The following SYNPO2 variants were observed in gnomAD, a reference collection of about 807,000 sequenced individuals.
SYNPO2 encodes synaptopodin-2.
A neutral mutation model predicts 85.0 loss-of-function variants in SYNPO2; 56 were observed. That is an observed-to-expected ratio of 0.66 (90% CI 0.53 to 0.82). The LOEUF (loss-of-function observed/expected upper bound fraction) is 0.82, where lower values mean the gene tolerates loss of function less well. SYNPO2 is among the 40% of genes least tolerant of loss of function. The probability of loss-of-function intolerance (pLI) is 0.00; values close to 1 mark genes in which losing one functional copy is unlikely to be tolerated. For missense variants in SYNPO2, 1,575 were observed against 1,534.2 expected, an observed-to-expected ratio of 1.03 and a Z score of -0.44; for synonymous variants, 602 against 591.1, an observed-to-expected ratio of 1.02 and a Z score of -0.27.
chr4:118,969,509 T>C (rs1735453554), intron 1 of SYNPO2, among the ~76,000 whole-genome samples: 1 of 152,210 alleles, frequency 6.6e-6, no homozygotes, highest in African/African-American at 2.4e-5. Context: ...GGAGCGCCAG[T>C]CTTTTATATC....
chr4:119,032,159 T>C (rs2149192122), intron 4 of SYNPO2, 132 bp downstream of exon 4: 2 of 1,480,734 alleles, frequency 1.4e-6, no homozygotes, highest in East Asian at 5.0e-5. Context: ...CTTACTTAAT[T>C]TCAGATATGT....
chr4:118,949,471 G>A (rs1015693374), intron 1 of SYNPO2, among the ~76,000 whole-genome samples: 1 of 152,040 alleles, frequency 6.6e-6, no homozygotes, highest in Non-Finnish European at 1.5e-5. Context: ...GCCAAGTGTG[G>A]TGGTTCACTC....
intron 1 of SYNPO2, among the ~76,000 whole-genome samples, chr4:118,938,104 C>T: frequency 6.6e-6 from 1 of 152,080 alleles, no homozygotes; most frequent in East Asian, 1.9e-4. Context: ...GGAGTTCAAG[C>T]ACACCTGGCC....
intron 1 of SYNPO2, among the ~76,000 whole-genome samples, chr4:118,930,172 T>A (rs1440511899): frequency 6.6e-6 from 1 of 152,200 alleles, no homozygotes; most frequent in Non-Finnish European, 1.5e-5. Context: ...TAATGCTTTA[T>A]CTACACTTGC....
At chr4:118,952,352 A>ATAT (rs1734730656) in intron 1 of SYNPO2, among the ~76,000 whole-genome samples, 1 of 152,044 alleles carries the variant, frequency 6.6e-6, no homozygotes, top group South Asian at 2.1e-4. Flanking sequence ...ATTTTTTTCC[A>ATAT]TATCTAAGAG....
intron 3 of SYNPO2, 93 bp from the exon 4 acceptor site, chr4:119,029,752 A>C: frequency 2.2e-6 from 3 of 1,353,196 alleles, no homozygotes; most frequent in Non-Finnish European, 2.9e-6. Context: ...TTACATATTT[A>C]TTTTCCCCCA....
chr4:118,986,315 CT>C (rs1736217507), intron 1 of SYNPO2, among the ~76,000 whole-genome samples: 1 of 152,194 alleles, frequency 6.6e-6, no homozygotes, highest in Non-Finnish European at 1.5e-5. Flanking sequence ...GAATGTACAA[CT>C]CAGTAATCCA....
chr4:119,042,451 A>C (rs1344518772), intron 4 of SYNPO2: 1 of 152,308 alleles, frequency 6.6e-6, no homozygotes, highest in Non-Finnish European at 1.5e-5. Context: ...AGACTCTGTT[A>C]TCTCCAAATC....
intron 1 of SYNPO2, among the ~76,000 whole-genome samples, chr4:118,926,682 A>C (rs995134316): frequency 1.3e-5 from 2 of 152,182 alleles, no homozygotes; most frequent in Non-Finnish European, 2.9e-5. Flanking sequence ...CAAAGAAAAG[A>C]ATATGATCAG....
intron 1 of SYNPO2, among the ~76,000 whole-genome samples, chr4:119,013,168 C>T (rs1301997603): frequency 6.6e-6 from 1 of 152,166 alleles, no homozygotes; most frequent in Non-Finnish European, 1.5e-5. Flanking sequence ...CCACTTGCAC[C>T]TTAGCCCTTA....
intron 1 of SYNPO2, among the ~76,000 whole-genome samples, chr4:118,927,770 G>GAT (rs1560874501): frequency 2.5e-5 from 1 of 40,580 alleles, no homozygotes; most frequent in East Asian, 9.6e-4. Context: ...TATATAGATA[G>GAT]ATAGATGATA....
chr4:118,990,696 C>T (rs1736384335), intron 1 of SYNPO2, among the ~76,000 whole-genome samples: 1 of 152,144 alleles, frequency 6.6e-6, no homozygotes. Flanking sequence ...GCAATCTCTG[C>T]CTCCCGGGTT....
At chr4:118,879,213 A>C (rs965845851) in intron 1 of SYNPO2, among the ~76,000 whole-genome samples, 60 of 152,210 alleles carry the variant, frequency 3.9e-4, no homozygotes, top group Admixed American at 3.8e-3. Flanking sequence ...CTCACCGATA[A>C]GGGTCCGTGG....
chr4:118,919,263 C>CT (rs1436890699), intron 1 of SYNPO2, among the ~76,000 whole-genome samples: 4 of 4,876 alleles, frequency 8.2e-4, no homozygotes, highest in African/African-American at 1.4e-3. Context: ...GATTGAGCCT[C>CT]CCTGTCTCTC....
intron 4 of SYNPO2, chr4:119,033,820 C>T: frequency 1.0e-5 from 10 of 984,552 alleles, no homozygotes; most frequent in Non-Finnish European, 1.2e-5. Context: ...CTATATGGCT[C>T]CCACAACAAT....
chr4:119,038,468 T>G (rs965399456), intron 4 of SYNPO2: 41 of 985,276 alleles, frequency 4.2e-5, no homozygotes, highest in East Asian at 1.1e-4. Flanking sequence ...TGGCTGGGAA[T>G]GGGGAAGAAT....
At chr4:118,854,223 C>T (rs1184753479) in intron 1 of SYNPO2, among the ~76,000 whole-genome samples, 4 of 152,152 alleles carry the variant, frequency 2.6e-5, no homozygotes, top group African/African-American at 9.7e-5. Flanking sequence ...TGTACCTGCC[C>T]AGAGATCATG....
chr4:119,006,059 C>G (rs6813031), intron 1 of SYNPO2: 15,047 of 153,084 alleles, frequency 0.098, 917 homozygotes, highest in East Asian at 0.2. Context: ...TCCTTAGCAA[C>G]AGGAAGCTGC....
chr4:118,965,020 C>T (rs1040963550), intron 1 of SYNPO2, among the ~76,000 whole-genome samples: 28 of 152,114 alleles, frequency 1.8e-4, no homozygotes, highest in East Asian at 1.4e-3. Flanking sequence ...ACAGTCAGCT[C>T]TGCCCTGACT....
Sources: gnomAD v4.1 joint callset for allele counts (sites outside exome capture counted in the v4.1 genomes callset) on GRCh38, gnomAD v4.1.1 for gene constraint, MANE v1.5 for transcripts, NCBI Gene and HGNC (gene_info 2026-07-23, HGNC 2026-07-21) for gene names.